The following ADD2 variants were observed in gnomAD, a reference collection of about 807,000 sequenced individuals.
ADD2 encodes adducin 2.
Under a neutral mutation model 83.0 loss-of-function variants are expected in ADD2, and 23 were observed. The observed-to-expected ratio is 0.28, with a 90% CI of 0.20 to 0.39. The LOEUF (loss-of-function observed/expected upper bound fraction) is 0.39. ADD2 is among the 10% of genes least tolerant of loss of function. The pLI is 1.00. For missense variants in ADD2, 758 were observed against 944.9 expected (o/e 0.80, Z 2.59); for synonymous variants, 375 against 375.4 (o/e 1.00, Z 0.01).
intron 1 of ADD2, among the ~76,000 whole-genome samples, chr2:70,727,409 CTCTCCT>C (rs1238974973): frequency 6.6e-6 from 1 of 152,132 alleles, no homozygotes; most frequent in Non-Finnish European, 1.5e-5. Context: ...CTCCCTCTCC[CTCTCCT>C]GGGCTCCAGT....
intron 1 of ADD2, among the ~76,000 whole-genome samples, chr2:70,722,106 G>A (rs782223008): frequency 2.0e-5 from 3 of 152,176 alleles, no homozygotes; most frequent in Non-Finnish European, 4.4e-5. Flanking sequence ...TTAAAGGAAT[G>A]GCATGGGAGG....
intron 15 of ADD2, among the ~76,000 whole-genome samples, chr2:70,668,467 C>T (rs932156676): frequency 6.6e-6 from 1 of 152,254 alleles, no homozygotes; most frequent in Non-Finnish European, 1.5e-5. Context: ...ATTCATTTTA[C>T]ACTTGCATGT....
intron 1 of ADD2, among the ~76,000 whole-genome samples, chr2:70,739,055 T>G (rs1277594416): frequency 6.6e-6 from 1 of 152,164 alleles, no homozygotes; most frequent in East Asian, 1.9e-4. Context: ...CTAAGTAAAC[T>G]TAAGAGCTTC....
At chr2:70,735,320 C>T (rs1266657750) in intron 1 of ADD2, among the ~76,000 whole-genome samples, 1 of 152,138 alleles carries the variant, frequency 6.6e-6, no homozygotes, top group Non-Finnish European at 1.5e-5. Context: ...AATGACTCCT[C>T]AGCTACTTGG....
rs781927897 is a variant in ADD2, at chr2:70,692,361, C to G, written c.705+42G>C. On this transcript the variant is annotated intron_variant, in intron 7 of 15. Transcript: ENST00000264436. ...GACGAGATTGCTACAACCTCGGCAG[C>G]CTTACGTCTTTCCTTGGGTGGCTGA... The G allele has an allele frequency of 3.3e-6, 5 of 1,497,808 alleles. No individual in the cohort carries two copies. The African/African-American group carries it at 7.0e-5, about 21-fold the overall frequency. The allele number at this position is 1,497,808 out of a possible 1,614,324, so 92.8% of individuals were successfully genotyped here. A position where few individuals can be genotyped will look rare whatever the true frequency, so the allele number is the denominator to read the frequency against.
rs546447953 is a variant in ADD2 at position 70,729,396 on chromosome 2, T to C, written c.-153-16212A>G. Reference sequence around the variant, plus strand: ...GTTTTCAGCTCCTTCATTACCTGCGTAAATTTTCTGCATTAAATTCCCTCG... The same window carrying C: ...GTTTTCAGCTCCTTCATTACCTGCGCAAATTTTCTGCATTAAATTCCCTCG... On this transcript the variant is annotated intron_variant, in intron 1 of 15. Coordinates refer to ENST00000264436, the MANE Select transcript of ADD2 (RefSeq NM_001617.4). Among the ~76,000 whole-genome samples the C allele has an allele frequency of 8.5e-5, 13 of 152,356 alleles. No individual in the cohort carries two copies. The East Asian group carries it at 2.5e-3, about 29-fold the overall frequency.
chr2:70,674,542 G>T, intron 14 of ADD2, 136 bp downstream of exon 14: 1 of 959,824 alleles, frequency 1.0e-6, no homozygotes, highest in Non-Finnish European at 1.5e-6. Flanking sequence ...GCAATGAAGG[G>T]CATTTTTGTG....
At chr2:70,668,346 C>T (rs1669760620) in intron 15 of ADD2, among the ~76,000 whole-genome samples, 1 of 152,178 alleles carries the variant, frequency 6.6e-6, no homozygotes, top group Non-Finnish European at 1.5e-5. Flanking sequence ...CTCCTGTCTG[C>T]CGCTCCAAGC....
intron 1 of ADD2, among the ~76,000 whole-genome samples, chr2:70,729,596 A>G (rs532789166): frequency 4.0e-4 from 61 of 152,156 alleles, no homozygotes; most frequent in Non-Finnish European, 7.1e-4. Flanking sequence ...TGGGTTTCTC[A>G]GTTTCTGTCC....
At chr2:70,675,042 A>G in intron 13 of ADD2, 4 of 1,321,896 alleles carry the variant, frequency 3.0e-6, no homozygotes, top group Non-Finnish European at 2.9e-6. Context: ...GGATGAATAT[A>G]GGGGGTCCAC....
intron 12 of ADD2, among the ~76,000 whole-genome samples, chr2:70,677,555 T>C (rs1413344061): frequency 2.6e-5 from 4 of 152,178 alleles, no homozygotes; most frequent in Non-Finnish European, 4.4e-5. Context: ...AGCTGTGCTC[T>C]AGGTAAAGGG....
intron 1 of ADD2, among the ~76,000 whole-genome samples, chr2:70,714,828 CA>C (rs1553376090): frequency 1.3e-5 from 2 of 152,344 alleles, no homozygotes; most frequent in African/African-American, 4.8e-5. Context: ...CCTGTGGCCA[CA>C]ACCTGCTAAG....
chr2:70,670,674 C>T (rs1669858268), intron 15 of ADD2, among the ~76,000 whole-genome samples: 1 of 152,126 alleles, frequency 6.6e-6, no homozygotes, highest in Non-Finnish European at 1.5e-5. Context: ...TTGGAAAAAG[C>T]CATCCCTGAT....
Position 70,706,341 on chromosome 2 carries a change from C to T in ADD2, c.68G>A (p.Arg23His), listed in dbSNP as rs371656183. ...GTACTCGGGGTCGTCCTCTGAGAAG[C>T]GGTCAAAGTAAGGCTGCCCCTGCGG... Reference protein sequence around the residue: ...PPPQGQPYFDRFSEDDPEYMR... With the variant: ...PPPQGQPYFDHFSEDDPEYMR... Residue 23 changes from arginine to histidine, a missense_variant, in exon 3 of 16, where the codon CGC (arginine) becomes CAC (histidine). This residue lies in a region of ADD2 where 175 missense variants were observed against 192.1 expected (regional missense o/e 0.91). Coordinates refer to ENST00000264436, the MANE Select transcript of ADD2 (RefSeq NM_001617.4). The surrounding 1 kb of genome is among the most constrained non-coding windows in gnomAD (Gnocchi z 5.0). The T allele has an allele frequency of 6.2e-7, 1 of 1,613,898 alleles. No homozygotes were observed. Among genetic ancestry groups the T allele is most frequent in the South Asian group, 1.1e-5 (1 of 91,068 alleles).
intron 1 of ADD2, among the ~76,000 whole-genome samples, chr2:70,737,060 A>T (rs1398634487): frequency 6.6e-6 from 1 of 152,140 alleles, no homozygotes; most frequent in Non-Finnish European, 1.5e-5. Context: ...GCGATCATTA[A>T]AAAGTCAGGA....
At chr2:70,689,006 G>T (rs1670886937) in intron 8 of ADD2, among the ~76,000 whole-genome samples, 1 of 152,078 alleles carries the variant, frequency 6.6e-6, no homozygotes, top group Admixed American at 6.5e-5. Flanking sequence ...TCGGGAGGGT[G>T]AGGTGGGAGG....
chr2:70,751,800 G>A (rs1558579468), intron 1 of ADD2, among the ~76,000 whole-genome samples: 2 of 152,096 alleles, frequency 1.3e-5, no homozygotes, highest in African/African-American at 4.8e-5. Flanking sequence ...GTGATAACCA[G>A]CACAGAGAAC....
chr2:70,682,593 T>C (rs1553369758), intron 10 of ADD2, among the ~76,000 whole-genome samples: 1 of 152,218 alleles, frequency 6.6e-6, no homozygotes, highest in East Asian at 1.9e-4. Flanking sequence ...GTTATAAAGA[T>C]AGATTTCATC....
intron 1 of ADD2, among the ~76,000 whole-genome samples, chr2:70,744,565 T>C (rs1242945932): frequency 2.0e-5 from 3 of 152,106 alleles, no homozygotes; most frequent in Admixed American, 6.5e-5. Flanking sequence ...CTAGACAGCA[T>C]TTGATGAGTT....
Sources: allele counts gnomAD v4.1 joint callset (sites outside exome capture counted in the v4.1 genomes callset), GRCh38; gene constraint gnomAD v4.1.1; regional missense constraint gnomAD v4.1.1; non-coding constraint Gnocchi (gnomAD v3.1); transcripts MANE v1.5; gene names NCBI Gene and HGNC (gene_info 2026-07-23, HGNC 2026-07-21).